Variants in ULK4 observed in about 807,000 individuals in gnomAD.
The protein encoded by ULK4 is unc-51 like kinase 4, also known as inactive serine/threonine-protein kinase ULK4.
A neutral mutation model predicts 160.6 loss-of-function variants in ULK4; 133 were observed. The ratio of observed to expected loss-of-function variants is 0.83; its 90% CI spans 0.72 to 0.96. The LOEUF (loss-of-function observed/expected upper bound fraction) is 0.96, where lower values mean the gene tolerates loss of function less well. ULK4 is among the 40% of genes least tolerant of loss of function. The probability of loss-of-function intolerance (pLI) is 0.00; values close to 1 mark genes in which losing one functional copy is unlikely to be tolerated. For synonymous variants in ULK4, 534 were observed against 539.8 expected (o/e 0.99, Z 0.15); for missense variants, 1,580 against 1,499.5 (o/e 1.05, Z -0.89).
chr3:41,908,601 G>A (rs1466244763), intron 11 of ULK4, among the ~76,000 whole-genome samples: 1 of 151,856 alleles, frequency 6.6e-6, no homozygotes, highest in Non-Finnish European at 1.5e-5. Flanking sequence ...GCCCGCCACT[G>A]CACCAGGCTA....
At position 41,724,956 on chromosome 3, in the gene ULK4, G is replaced by T. The variant is rs905529999; in HGVS notation, c.2322-7095C>A. Among the ~76,000 whole-genome samples the T allele has an allele frequency of 4.0e-5, 6 of 151,868 alleles. No homozygotes were observed. In the East Asian group the frequency reaches 1.2e-3, roughly 29 times the overall value. On this transcript the variant is annotated intron_variant, in intron 22 of 36. Coordinates refer to ENST00000301831, the MANE Select transcript of ULK4 (RefSeq NM_017886.4). ...AAGTCTTGTGCTCATTTTTCTATTGGGTTATCTGTCCTCTTTTCCTTGATG... is the reference window on the plus strand; with the variant it reads ...AAGTCTTGTGCTCATTTTTCTATTGTGTTATCTGTCCTCTTTTCCTTGATG...
intron 5 of ULK4, among the ~76,000 whole-genome samples, chr3:41,928,376 T>A (rs924596855): frequency 1.3e-5 from 2 of 152,090 alleles, no homozygotes; most frequent in African/African-American, 4.8e-5. Context: ...TTTACAGCAC[T>A]AAATGCCCAC....
At chr3:41,565,956 C>T in intron 32 of ULK4, 69 bp downstream of exon 32, 2 of 1,215,338 alleles carry the variant, frequency 1.6e-6, no homozygotes, top group South Asian at 1.3e-5. Context: ...CTTCTAGACT[C>T]CACGCTATAT....
chr3:41,330,700 A>G (rs546244942), intron 35 of ULK4, among the ~76,000 whole-genome samples: 1 of 152,278 alleles, frequency 6.6e-6, no homozygotes, highest in East Asian at 1.9e-4. Flanking sequence ...ACCTTTTATT[A>G]TGGTAACACT....
chr3:41,786,601 A>C (rs2040003794), intron 21 of ULK4, among the ~76,000 whole-genome samples: 1 of 149,882 alleles, frequency 6.7e-6, no homozygotes, highest in Non-Finnish European at 1.5e-5. Context: ...CTGTCTCCAA[A>C]AAAAAAAAAA....
intron 18 of ULK4, among the ~76,000 whole-genome samples, chr3:41,827,399 T>C (rs988807228): frequency 2.0e-5 from 3 of 151,918 alleles, no homozygotes; most frequent in African/African-American, 4.8e-5. Flanking sequence ...ATCAACAAAA[T>C]TGATAGACCA....
intron 17 of ULK4, among the ~76,000 whole-genome samples, chr3:41,842,488 T>G (rs960204924): frequency 6.6e-6 from 1 of 152,188 alleles, no homozygotes; most frequent in African/African-American, 2.4e-5. Flanking sequence ...ATTTGTATGA[T>G]GGGGCAGATC....
At chr3:41,305,240 C>T (rs1170562001) in intron 35 of ULK4, among the ~76,000 whole-genome samples, 1 of 152,146 alleles carries the variant, frequency 6.6e-6, no homozygotes, top group East Asian at 1.9e-4. Flanking sequence ...TCCCCACGGT[C>T]TCCCTCTCCC....
chr3:41,343,374 G>A (rs1267923516), intron 35 of ULK4, among the ~76,000 whole-genome samples: 10 of 141,918 alleles, frequency 7.0e-5, no homozygotes, highest in Admixed American at 1.5e-4. Context: ...GCACAATCTC[G>A]GCTCACTGCA....
At chr3:41,361,590 T>A (rs1044112204) in intron 35 of ULK4, among the ~76,000 whole-genome samples, 2 of 152,202 alleles carry the variant, frequency 1.3e-5, no homozygotes, top group African/African-American at 2.4e-5. Flanking sequence ...TTATTTTATA[T>A]CACAACACTA....
chr3:41,325,713 C>T (rs1453819163), intron 35 of ULK4, among the ~76,000 whole-genome samples: 8 of 151,872 alleles, frequency 5.3e-5, no homozygotes, highest in African/African-American at 1.7e-4. Flanking sequence ...GTCAGGAGTT[C>T]GTGACCAGTC....
At chr3:41,828,964 C>T (rs1025870628) in intron 18 of ULK4, among the ~76,000 whole-genome samples, 5 of 151,008 alleles carry the variant, frequency 3.3e-5, no homozygotes, top group African/African-American at 4.9e-5. Flanking sequence ...ATCAATGGAA[C>T]AGAACAGAGC....
chr3:41,450,700 C>T (rs2083407143), intron 34 of ULK4, among the ~76,000 whole-genome samples: 1 of 152,174 alleles, frequency 6.6e-6, no homozygotes, highest in Admixed American at 6.5e-5. Flanking sequence ...TTTTTATCAA[C>T]CACTGTAAAA....
intron 21 of ULK4, among the ~76,000 whole-genome samples, chr3:41,773,125 A>G (rs1422541631): frequency 2.0e-5 from 3 of 152,260 alleles, no homozygotes; most frequent in South Asian, 2.1e-4. Flanking sequence ...TACTGAATGG[A>G]AAAAAACTGG....
chr3:41,335,768 C>T (rs894327121), intron 35 of ULK4, among the ~76,000 whole-genome samples: 1 of 151,986 alleles, frequency 6.6e-6, no homozygotes, highest in Non-Finnish European at 1.5e-5. Context: ...TTAAATATCA[C>T]CAAAATTCTC....
In ULK4 at chr3:41,538,012, G is replaced by A. The variant is rs73830222; in HGVS notation, c.3226+28013C>T. On this transcript the variant is annotated intron_variant, in intron 32 of 36. Coordinates refer to ENST00000301831, the MANE Select transcript of ULK4 (RefSeq NM_017886.4). ...CTTTCTCATCAATGATTTTCTTAATGGTGCCTGGGAACTCATCTGCCGCCT... is the reference window on the plus strand; with the variant it reads ...CTTTCTCATCAATGATTTTCTTAATAGTGCCTGGGAACTCATCTGCCGCCT... Among the ~76,000 whole-genome samples the A allele has an allele frequency of 2.4e-3, 369 of 151,328 alleles. 1 individual carries two copies. The highest frequency in any genetic ancestry group is 8.6e-3 in the African/African-American group (355 of 41,142).
intron 21 of ULK4, among the ~76,000 whole-genome samples, chr3:41,780,368 A>G (rs1408328832): frequency 6.6e-6 from 1 of 150,684 alleles, no homozygotes; most frequent in Admixed American, 6.6e-5. Flanking sequence ...ATTAAAATAT[A>G]AAAATTTATA....
chr3:41,881,481 T>C (rs1192560767), intron 17 of ULK4, among the ~76,000 whole-genome samples: 1 of 152,128 alleles, frequency 6.6e-6, no homozygotes, highest in Admixed American at 6.5e-5. Context: ...AGGAATTAGG[T>C]TGGTGCAAAA....
chr3:41,642,114 T>C (rs917086008), intron 30 of ULK4, among the ~76,000 whole-genome samples: 1 of 152,158 alleles, frequency 6.6e-6, no homozygotes, highest in African/African-American at 2.4e-5. Flanking sequence ...CCTCAGGTGA[T>C]CCGCCTGCCT....
Sources: allele counts gnomAD v4.1 joint callset (sites outside exome capture counted in the v4.1 genomes callset), GRCh38; gene constraint gnomAD v4.1.1; transcripts MANE v1.5; gene names NCBI Gene and HGNC (gene_info 2026-07-23, HGNC 2026-07-21).